The following MAST4 variants were observed in gnomAD, a reference collection of about 807,000 sequenced individuals.
MAST4 encodes the protein microtubule associated serine/threonine kinase family member 4.
In MAST4, 89 loss-of-function variants were observed where a neutral mutation model predicts 162.7. That is an observed-to-expected ratio of 0.55 (90% CI 0.46 to 0.65). MAST4 has a LOEUF of 0.65. Among genes scored for constraint, MAST4 ranks in the 30% least tolerant of loss-of-function variants. The pLI is 0.00. For missense variants in MAST4, 3,153 were observed against 3,374.0 expected (o/e 0.93, Z 1.62); for synonymous variants, 1,479 against 1,361.1 (o/e 1.09, Z -1.91).
At chr5:66,833,825 T>G (rs1282526314) in intron 3 of MAST4, among the ~76,000 whole-genome samples, 1 of 152,216 alleles carries the variant, frequency 6.6e-6, no homozygotes, top group Non-Finnish European at 1.5e-5. Context: ...AGGAGTATGT[T>G]ACACTGAAAC....
rs541278589 is a variant in MAST4, at chr5:67,166,132, A to G, written c.6953A>G (p.Gln2318Arg). 4 of 1,598,530 alleles carry G rather than the reference A, an allele frequency of 2.5e-6. No homozygotes were observed. Among genetic ancestry groups the G allele is most frequent in the South Asian group, 1.1e-5 (1 of 88,972 alleles). ...GHPGPSEPADQKLSAVGEKQT... is the reference protein window; with the variant it reads ...GHPGPSEPADRKLSAVGEKQT... ...CCAGGGCCTAGTGAGCCAGCGGACCAGAAACTGTCCGCTGTTGGTGAAAAG... is the reference window on the plus strand; with the variant it reads ...CCAGGGCCTAGTGAGCCAGCGGACCGGAAACTGTCCGCTGTTGGTGAAAAG... The change falls in exon 29 of 29, where the codon CAG becomes CGG. Residue 2318 changes from glutamine (Q) to arginine (R), a missense_variant. Gln to Arg is a conservative substitution (Grantham distance 43). Coordinates refer to ENST00000403625, the MANE Select transcript of MAST4 (RefSeq NM_001164664.2).
chr5:66,725,938 TAAAAC>T (rs1751488580), intron 1 of MAST4, among the ~76,000 whole-genome samples: 2 of 152,134 alleles, frequency 1.3e-5, no homozygotes, highest in African/African-American at 2.4e-5. Context: ...GTAACAGTAA[TAAAAC>T]AGACAAATAA....
intron 4 of MAST4, among the ~76,000 whole-genome samples, chr5:66,901,982 C>T (rs1315256932): frequency 6.6e-6 from 1 of 152,082 alleles, no homozygotes; most frequent in Non-Finnish European, 1.5e-5. Flanking sequence ...TGAAGAAAGG[C>T]ACAAATATAT....
chr5:67,120,116 A>G (rs1561679410), intron 13 of MAST4, among the ~76,000 whole-genome samples: 1 of 152,182 alleles, frequency 6.6e-6, no homozygotes, highest in Non-Finnish European at 1.5e-5. Flanking sequence ...AGCAGAGGAA[A>G]CAGATGGTTC....
chr5:67,049,045 GTATATATATATATACGTA>G (rs1561576603), intron 4 of MAST4, among the ~76,000 whole-genome samples: 32 of 100,518 alleles, frequency 3.2e-4, no homozygotes, highest in African/African-American at 9.4e-4. Flanking sequence ...ATATATACGT[GTATATATATATATACGTA>G]TATATATATA....
At chr5:66,703,296 T>C (rs1580241456) in intron 1 of MAST4, among the ~76,000 whole-genome samples, 1 of 152,232 alleles carries the variant, frequency 6.6e-6, no homozygotes, top group East Asian at 1.9e-4. Context: ...TTGTGCAGCA[T>C]TTATGGCATG....
chr5:66,849,471 C>G (rs40571), intron 3 of MAST4, among the ~76,000 whole-genome samples: 28,231 of 152,134 alleles, frequency 0.19, 2,777 homozygotes, highest in East Asian at 0.34. Context: ...TTTCCTCCCC[C>G]CTTTTCTCTT....
At chr5:66,655,598 C>T (rs1212260657) in intron 1 of MAST4, among the ~76,000 whole-genome samples, 5 of 152,230 alleles carry the variant, frequency 3.3e-5, no homozygotes, top group South Asian at 4.2e-4. Context: ...CCAGCAAATA[C>T]GTAAACCTAG....
chr5:66,949,915 G>A (rs1744470257), intron 4 of MAST4, among the ~76,000 whole-genome samples: 1 of 152,130 alleles, frequency 6.6e-6, no homozygotes, highest in African/African-American at 2.4e-5. Flanking sequence ...GAGTATATTT[G>A]AGAAGTGTCT....
At position 67,090,145 on chromosome 5, in the gene MAST4, C is replaced by A; in HGVS notation, c.764-17C>A. 1 of 1,573,098 alleles carries A rather than the reference C, an allele frequency of 6.4e-7. No individual in the cohort carries two copies. Among genetic ancestry groups the A allele is most frequent in the Non-Finnish European group, 8.7e-7 (1 of 1,144,554 alleles). On this transcript the variant is annotated splice_polypyrimidine_tract_variant and intron_variant, in intron 5 of 28. Transcript: ENST00000403625. ...ACAAAATCATGTAGTAAATTTCTCT[C>A]TTTTCTCTTTCTCTAGGAAATAGCC...
In MAST4 at chr5:67,013,299, T is replaced by C. The variant is rs181296587; in HGVS notation, c.675-41105T>C. On this transcript the variant is annotated intron_variant, in intron 4 of 28. Transcript: ENST00000403625. The stretch of plus-strand genomic sequence containing the variant: ...TTCTAACCTGACATGGAAGTTCAAG[T>C]GGCAGTATCTTTTAGAGGTAGTATA... Among the ~76,000 whole-genome samples, 4 of 152,302 alleles carry C rather than the reference T, an allele frequency of 2.6e-5. No individual in the cohort carries two copies. The East Asian group carries it at 7.7e-4, about 29-fold the overall frequency.
intron 4 of MAST4, among the ~76,000 whole-genome samples, chr5:66,982,754 A>G (rs1429460347): frequency 6.6e-6 from 1 of 152,194 alleles, no homozygotes; most frequent in Non-Finnish European, 1.5e-5. Context: ...TCCTGTAGGA[A>G]CTGATTTGAC....
chr5:66,612,074 A>C (rs921559676), intron 1 of MAST4, among the ~76,000 whole-genome samples: 2 of 152,234 alleles, frequency 1.3e-5, no homozygotes, highest in Admixed American at 1.3e-4. Flanking sequence ...GCTTGATTAC[A>C]GCAAGGTTTT....
intron 4 of MAST4, among the ~76,000 whole-genome samples, chr5:66,966,390 A>T (rs1746736470): frequency 6.6e-6 from 1 of 152,264 alleles, no homozygotes; most frequent in African/African-American, 2.4e-5. Flanking sequence ...AAGATGTATT[A>T]GTTACAGTGC....
chr5:66,860,770 C>CA (rs34973337), intron 3 of MAST4, among the ~76,000 whole-genome samples: 1,754 of 129,120 alleles, frequency 0.014, 12 homozygotes, highest in Admixed American at 0.018. Flanking sequence ...AAAACAAAAC[C>CA]AAAAAAAAAA....
intron 3 of MAST4, chr5:66,870,820 C>T (rs1001508592): frequency 1.5e-5 from 7 of 471,462 alleles, no homozygotes; most frequent in East Asian, 6.9e-5. Flanking sequence ...AGCCCGACAT[C>T]GCCAGAGACT....
At chr5:66,897,306 T>G (rs1762746762) in intron 3 of MAST4, among the ~76,000 whole-genome samples, 1 of 152,186 alleles carries the variant, frequency 6.6e-6, no homozygotes, top group South Asian at 2.1e-4. Flanking sequence ...TATGTGTTAG[T>G]GACCTTATCC....
intron 14 of MAST4, among the ~76,000 whole-genome samples, chr5:67,122,125 A>G (rs1343495075): frequency 1.3e-5 from 2 of 152,234 alleles, no homozygotes; most frequent in East Asian, 1.9e-4. Flanking sequence ...ATTAATGCAC[A>G]AACTATGACC....
At chr5:66,998,611 A>C (rs968934209) in intron 4 of MAST4, among the ~76,000 whole-genome samples, 2 of 152,146 alleles carry the variant, frequency 1.3e-5, no homozygotes, top group East Asian at 1.9e-4. Flanking sequence ...TTGTTATCAC[A>C]CATCTTTCTA....
Sources: allele counts gnomAD v4.1 joint callset (sites outside exome capture counted in the v4.1 genomes callset), GRCh38; gene constraint gnomAD v4.1.1; transcripts MANE v1.5; gene names NCBI Gene and HGNC (gene_info 2026-07-23, HGNC 2026-07-21).